The following BMPR1B variants were observed in gnomAD, a reference collection of about 807,000 sequenced individuals.
BMPR1B encodes the protein bone morphogenetic protein receptor type-1B.
A neutral mutation model predicts 59.1 loss-of-function variants in BMPR1B; 12 were observed. That is an observed-to-expected ratio of 0.20 (90% CI 0.13 to 0.33). The LOEUF is 0.33. BMPR1B is among the 10% of genes least tolerant of loss of function. BMPR1B has a pLI of 1.00. For synonymous variants in BMPR1B, 237 were observed against 207.3 expected (o/e 1.14, Z -1.23); for missense variants, 550 against 610.9 (o/e 0.90, Z 1.05).
chr4:94,854,455 T>C (rs4254781), intron 1 of BMPR1B, among the ~76,000 whole-genome samples: 92,468 of 151,944 alleles, frequency 0.61, 29,013 homozygotes, highest in African/African-American at 0.76. Flanking sequence ...ACAAGGGGTA[T>C]TGAGATTGTG....
At chr4:94,760,694 C>T (rs1271295498) in intron 1 of BMPR1B, among the ~76,000 whole-genome samples, 1 of 152,154 alleles carries the variant, frequency 6.6e-6, no homozygotes, top group African/African-American at 2.4e-5. Flanking sequence ...ACTTGCTTGG[C>T]GCTTCCTTGT....
At chr4:94,842,224 G>C (rs1001764788) in intron 1 of BMPR1B, among the ~76,000 whole-genome samples, 1 of 151,726 alleles carries the variant, frequency 6.6e-6, no homozygotes, top group Non-Finnish European at 1.5e-5. Flanking sequence ...TAAATCTTTG[G>C]AGTAAAATGA....
At chr4:94,859,023 T>C (rs11945427) in intron 1 of BMPR1B, among the ~76,000 whole-genome samples, 91,665 of 151,470 alleles carry the variant, frequency 0.61, 28,372 homozygotes, top group African/African-American at 0.74. Flanking sequence ...ACATAATTTA[T>C]AATTGCCTTA....
At chr4:94,795,358 C>T (rs963967968) in intron 1 of BMPR1B, among the ~76,000 whole-genome samples, 7 of 151,608 alleles carry the variant, frequency 4.6e-5, no homozygotes, top group Non-Finnish European at 1.0e-4. Flanking sequence ...CCTTGCATCC[C>T]AGGGATGAAG....
At chr4:94,975,410 C>T (rs1338990643) in intron 2 of BMPR1B, among the ~76,000 whole-genome samples, 1 of 136,962 alleles carries the variant, frequency 7.3e-6, no homozygotes, top group African/African-American at 2.8e-5. Flanking sequence ...GTCACCCAGG[C>T]TGAAGTACAG....
intron 7 of BMPR1B, among the ~76,000 whole-genome samples, chr4:95,124,401 G>C (rs1043277136): frequency 4.0e-5 from 6 of 151,476 alleles, no homozygotes; most frequent in Admixed American, 6.6e-5. Flanking sequence ...GAAATATTAA[G>C]GACCTTGATA....
intron 2 of BMPR1B, among the ~76,000 whole-genome samples, chr4:94,930,196 T>C (rs1334216707): frequency 6.6e-6 from 1 of 152,144 alleles, no homozygotes; most frequent in Non-Finnish European, 1.5e-5. Flanking sequence ...AAAGTGACTT[T>C]TCCAAAATTC....
rs376221874 is a variant in BMPR1B, at chr4:95,152,708, A to T, written c.1318A>T (p.Met440Leu). 6.2e-7 allele frequency: 1 copy of T among 1,602,578 alleles called. No individual in the cohort carries two copies. The highest frequency in any genetic ancestry group is 2.2e-5 in the East Asian group (1 of 44,480). Residue 440 changes from methionine (M) to leucine (L), a missense_variant, in exon 12 of 13, where the codon ATG (methionine) becomes TTG (leucine). Physicochemically the swap from Met to Leu is conservative, Grantham distance 15 (BLOSUM62 2). Around this residue, in one of 6 missense-constraint regions of BMPR1B, gnomAD observed 123 missense variants for 164.6 expected, o/e 0.75. Transcript: ENST00000515059. Reference sequence around the variant, plus strand: ...GCCCAGTGACCCCTCTTATGAGGACATGAGGGAGATTGTGTGCATCAAGAA... The same window carrying T: ...GCCCAGTGACCCCTCTTATGAGGACTTGAGGGAGATTGTGTGCATCAAGAA... ...LVPSDPSYED[M>L]REIVCIKKLR...
At chr4:95,075,898 CT>C (rs953377336) in intron 3 of BMPR1B, among the ~76,000 whole-genome samples, 6 of 151,580 alleles carry the variant, frequency 4.0e-5, no homozygotes, top group Admixed American at 6.6e-5. Flanking sequence ...GATGTCCATT[CT>C]TTTTTTTTCT....
chr4:95,109,699 TTTATTATTATTA>T (rs10597656), intron 4 of BMPR1B, among the ~76,000 whole-genome samples: 3 of 146,848 alleles, frequency 2.0e-5, no homozygotes, highest in African/African-American at 7.4e-5. Flanking sequence ...AGAACTTCTT[TTTATTATTATTA>T]TTATTATTAT....
intron 2 of BMPR1B, among the ~76,000 whole-genome samples, chr4:94,936,693 TAG>T (rs1729314208): frequency 6.6e-6 from 1 of 152,202 alleles, no homozygotes; most frequent in Admixed American, 6.5e-5. Context: ...AAAAAATATT[TAG>T]TTTATTTCCA....
At chr4:94,835,349 T>A (rs1012804366) in intron 1 of BMPR1B, among the ~76,000 whole-genome samples, 5 of 152,156 alleles carry the variant, frequency 3.3e-5, no homozygotes, top group South Asian at 2.1e-4. Flanking sequence ...GAGAATTTTT[T>A]AAAATATAAG....
intron 1 of BMPR1B, among the ~76,000 whole-genome samples, chr4:94,768,188 A>G (rs1486709049): frequency 1.3e-5 from 2 of 152,174 alleles, no homozygotes; most frequent in Non-Finnish European, 2.9e-5. Context: ...AAGACATTGA[A>G]AATTGCTTTG....
At chr4:95,138,002 C>T (rs562408142) in intron 10 of BMPR1B, among the ~76,000 whole-genome samples, 5 of 152,294 alleles carry the variant, frequency 3.3e-5, no homozygotes, top group Admixed American at 6.5e-5. Flanking sequence ...TTCCTAGCAT[C>T]GATGGTCTTT....
At chr4:94,758,919 T>C (rs1305820602) in intron 1 of BMPR1B, among the ~76,000 whole-genome samples, 1 of 86,418 alleles carries the variant, frequency 1.2e-5, no homozygotes, top group Non-Finnish European at 2.4e-5. Flanking sequence ...TCGCACAATC[T>C]TTTGGTCTCT....
chr4:95,042,947 G>A (rs1221075326), intron 3 of BMPR1B, among the ~76,000 whole-genome samples: 3 of 151,082 alleles, frequency 2.0e-5, no homozygotes, highest in Non-Finnish European at 4.4e-5. Context: ...AGGCCGAGGC[G>A]GGTGGATCAT....
chr4:94,849,200 T>G, intron 1 of BMPR1B, among the ~76,000 whole-genome samples: 1 of 152,070 alleles, frequency 6.6e-6, no homozygotes. Flanking sequence ...CAAAGGAGAA[T>G]GAGAAAAAGC....
At chr4:94,816,471 A>G (rs1724015652) in intron 1 of BMPR1B, among the ~76,000 whole-genome samples, 1 of 152,072 alleles carries the variant, frequency 6.6e-6, no homozygotes, top group Non-Finnish European at 1.5e-5. Context: ...GCCTTATGCT[A>G]GTATTTATAT....
intron 3 of BMPR1B, among the ~76,000 whole-genome samples, chr4:95,047,032 T>C (rs1299478145): frequency 6.6e-6 from 1 of 152,226 alleles, no homozygotes; most frequent in African/African-American, 2.4e-5. Context: ...AATGTTTAAC[T>C]GCTATGAAAC....
Sources: allele counts gnomAD v4.1 joint callset (sites outside exome capture counted in the v4.1 genomes callset), GRCh38; gene constraint gnomAD v4.1.1; regional missense constraint gnomAD v4.1.1; transcripts MANE v1.5; gene names NCBI Gene and HGNC (gene_info 2026-07-23, HGNC 2026-07-21).